IL1RAPL2: variants seen among roughly 807,000 people sequenced by gnomAD.
The protein encoded by IL1RAPL2 is interleukin 1 receptor accessory protein like 2.
In IL1RAPL2, 3 loss-of-function variants were observed where a neutral mutation model predicts 44.1. The observed-to-expected ratio is 0.07, with a 90% CI of 0.03 to 0.18. The LOEUF (loss-of-function observed/expected upper bound fraction) is 0.18, where lower values mean the gene tolerates loss of function less well. Among genes scored for constraint, IL1RAPL2 ranks in the 10% least tolerant of loss-of-function variants. The probability of loss-of-function intolerance (pLI) is 1.00; values close to 1 mark genes in which losing one functional copy is unlikely to be tolerated. For missense variants in IL1RAPL2, 391 were observed against 496.4 expected (o/e 0.79, Z 2.02); for synonymous variants, 181 against 178.8 (o/e 1.01, Z -0.10).
intron 2 of IL1RAPL2, among the ~76,000 whole-genome samples, chrX:104,792,296 G>C (rs1018091226): frequency 9.0e-6 from 1 of 110,937 alleles, no homozygotes. Context: ...TTTCCCCAAA[G>C]TAACATATCT....
chrX:104,765,590 C>T (rs1261405210), intron 2 of IL1RAPL2, among the ~76,000 whole-genome samples: 1 of 111,443 alleles, frequency 9.0e-6, no homozygotes, highest in Admixed American at 9.5e-5. Context: ...CACACAATGC[C>T]CCAGCATTTT....
At chrX:105,415,641 A>G (rs746514434) in intron 5 of IL1RAPL2, among the ~76,000 whole-genome samples, 22 of 111,577 alleles carry the variant, frequency 2.0e-4, no homozygotes, top group Non-Finnish European at 3.8e-4. Context: ...GGCCTTTCTT[A>G]AATGATCTTA....
intron 2 of IL1RAPL2, among the ~76,000 whole-genome samples, chrX:105,128,490 C>T (rs2032996834): frequency 9.0e-6 from 1 of 111,212 alleles, no homozygotes; most frequent in South Asian, 3.7e-4. Flanking sequence ...TCTCTGCACT[C>T]TCACTTAATG....
At chrX:104,590,351 G>T (rs912157896) in intron 1 of IL1RAPL2, among the ~76,000 whole-genome samples, 8 of 111,596 alleles carry the variant, frequency 7.2e-5, no homozygotes, top group African/African-American at 1.3e-4. Context: ...GGCCTAAGTT[G>T]GCTCTTTATC....
intron 5 of IL1RAPL2, among the ~76,000 whole-genome samples, chrX:105,301,753 T>C (rs1260688308): frequency 8.9e-6 from 1 of 112,347 alleles, no homozygotes; most frequent in African/African-American, 3.2e-5. Context: ...ATGTACCACA[T>C]TTTTAAAAAT....
intron 6 of IL1RAPL2, among the ~76,000 whole-genome samples, chrX:105,606,791 G>A (rs1312228599): frequency 1.8e-5 from 2 of 111,151 alleles, no homozygotes; most frequent in Non-Finnish European, 3.8e-5. Context: ...AAATAAGCCA[G>A]GCACAGAAAT....
chrX:105,493,744 G>T (rs1325194942), intron 6 of IL1RAPL2, among the ~76,000 whole-genome samples: 1 of 111,431 alleles, frequency 9.0e-6, no homozygotes, highest in African/African-American at 3.3e-5. Context: ...TTGTACTTCT[G>T]CTCTTTCCTA....
chrX:104,968,506 TCCTACTCAA>T (rs1485929612), intron 2 of IL1RAPL2, among the ~76,000 whole-genome samples: 1 of 111,402 alleles, frequency 9.0e-6, no homozygotes, highest in East Asian at 2.8e-4. Flanking sequence ...ACATTATCAT[TCCTACTCAA>T]CAGTGTACCA....
intron 2 of IL1RAPL2, among the ~76,000 whole-genome samples, chrX:105,095,345 A>G (rs1052919739): frequency 2.7e-5 from 3 of 111,456 alleles, no homozygotes; most frequent in African/African-American, 9.8e-5. Context: ...GTTTCTGTCT[A>G]TTCTTAGTTT....
chrX:104,913,665 G>A (rs1219188538), intron 2 of IL1RAPL2, among the ~76,000 whole-genome samples: 2 of 112,217 alleles, frequency 1.8e-5, no homozygotes, highest in Non-Finnish European at 3.8e-5. Flanking sequence ...TGATGAGGCA[G>A]TTCAGCTAAG....
At chrX:105,179,853 T>C (rs1165916835) in intron 2 of IL1RAPL2, among the ~76,000 whole-genome samples, 1 of 110,645 alleles carries the variant, frequency 9.0e-6, no homozygotes, top group Non-Finnish European at 1.9e-5. Context: ...CCTGTAACTT[T>C]ACTGGATTAA....
intron 2 of IL1RAPL2, among the ~76,000 whole-genome samples, chrX:104,971,284 G>T (rs1217441628): frequency 9.0e-6 from 1 of 111,328 alleles, no homozygotes; most frequent in Non-Finnish European, 1.9e-5. Context: ...GGAGGCAGAG[G>T]TTGCAGTGAG....
intron 2 of IL1RAPL2, among the ~76,000 whole-genome samples, chrX:104,745,963 G>A (rs183302647): frequency 2.5e-4 from 28 of 111,625 alleles, no homozygotes; most frequent in African/African-American, 7.5e-4. Context: ...CAATATAAAT[G>A]TTTGTAAAAC....
chrX:105,199,441 C>T (rs957205975), intron 3 of IL1RAPL2, among the ~76,000 whole-genome samples: 1 of 109,442 alleles, frequency 9.1e-6, no homozygotes, highest in African/African-American at 3.3e-5. Context: ...TGGATAATTG[C>T]ATTAGAAACC....
At chrX:105,033,839 T>C (rs750915486) in intron 2 of IL1RAPL2, among the ~76,000 whole-genome samples, 1 of 112,159 alleles carries the variant, frequency 8.9e-6, no homozygotes, top group Non-Finnish European at 1.9e-5. Flanking sequence ...GGTTCCATTC[T>C]CCCCATCACT....
At chrX:104,797,186 C>CT in intron 2 of IL1RAPL2, among the ~76,000 whole-genome samples, 1 of 16,446 alleles carries the variant, frequency 6.1e-5, no homozygotes, top group African/African-American at 5.3e-4. Flanking sequence ...ATCTCTTCAG[C>CT]CCCCCCCCCC....
chrX:104,960,920 T>C (rs918845844), intron 2 of IL1RAPL2, among the ~76,000 whole-genome samples: 4 of 111,824 alleles, frequency 3.6e-5, no homozygotes, highest in Non-Finnish European at 3.8e-5. Context: ...GAATCTCTTA[T>C]ATTTATGACT....
rs1025975716 is a variant in IL1RAPL2 at position 105,034,546 on chromosome X, T to C, written c.83-160929T>C. ...GGTGGCTGCAGAACAGCGGTGGCTGTAGAACAGCGGATATTGGTGAACTGC... is the reference window on the plus strand; with the variant it reads ...GGTGGCTGCAGAACAGCGGTGGCTGCAGAACAGCGGATATTGGTGAACTGC... On this transcript the variant is annotated intron_variant, in intron 2 of 10. Transcript: ENST00000372582. Among the ~76,000 whole-genome samples, 4 of 112,144 alleles carry C rather than the reference T, an allele frequency of 3.6e-5. No homozygotes were observed. The East Asian group carries it at 1.1e-3, about 32-fold the overall frequency.
intron 2 of IL1RAPL2, among the ~76,000 whole-genome samples, chrX:105,172,525 G>C (rs2033432514): frequency 9.0e-6 from 1 of 111,366 alleles, no homozygotes; most frequent in Admixed American, 9.5e-5. Context: ...TGTTAGCCAG[G>C]AGCTATGCTC....
Sources: gnomAD v4.1 joint callset for allele counts (sites outside exome capture counted in the v4.1 genomes callset) on GRCh38, gnomAD v4.1.1 for gene constraint, MANE v1.5 for transcripts, NCBI Gene and HGNC (gene_info 2026-07-23, HGNC 2026-07-21) for gene names.